The following TOX4 variants were observed in gnomAD, a reference collection of about 807,000 sequenced individuals.
TOX4 encodes epidermal Langerhans cell protein LCP1.
TOX4 carries 12 observed loss-of-function variants against 61.0 expected under a neutral mutation model. That is an observed-to-expected ratio of 0.20 (90% CI 0.13 to 0.32). The LOEUF (loss-of-function observed/expected upper bound fraction) is 0.32, where lower values mean the gene tolerates loss of function less well. TOX4 is among the 10% of genes least tolerant of loss of function. The pLI is 1.00. For synonymous variants in TOX4, 268 were observed against 274.8 expected (o/e 0.98, Z 0.24); for missense variants, 499 against 753.3 (o/e 0.66, Z 3.95).
intron 8 of TOX4, chr14:21,495,758 A>ATAAT (rs929359966): frequency 1.3e-5 from 2 of 155,128 alleles, no homozygotes; most frequent in African/African-American, 4.8e-5. Context: ...GTAACACATA[A>ATAAT]TAATTTGCAA....
rs1280677177 is a variant in TOX4 at position 21,487,589 on chromosome 14, A to G, written c.214A>G (p.Ser72Gly). Reference sequence around the variant, plus strand: ...AGACCCTTCCTCTTCACAGGATGGCAGTTTTTCAGCCCAGTATGGGGTCCA... The same window carrying G: ...AGACCCTTCCTCTTCACAGGATGGCGGTTTTTCAGCCCAGTATGGGGTCCA... Reference protein sequence around the residue: ...LADPSSSQDGSFSAQYGVQTL... With the variant: ...LADPSSSQDGGFSAQYGVQTL... Residue 72 changes from serine to glycine, a missense_variant, in exon 3 of 9, where the codon AGT (serine) becomes GGT (glycine). This residue lies in a region of TOX4 where 90 missense variants were observed against 109.5 expected (regional missense o/e 0.82). Coordinates refer to ENST00000448790, the MANE Select transcript of TOX4 (RefSeq NM_014828.4). 1 of 1,614,128 alleles carries G rather than the reference A, an allele frequency of 6.2e-7. No individual in the cohort carries two copies. Among genetic ancestry groups the G allele is most frequent in the Non-Finnish European group, 8.5e-7 (1 of 1,180,024 alleles).
intron 4 of TOX4, 119 bp from the exon 5 acceptor site, chr14:21,489,054 C>G: frequency 7.9e-7 from 1 of 1,264,380 alleles, no homozygotes; most frequent in South Asian, 1.5e-5. Context: ...TGACTAATGT[C>G]TTTTAATGCT....
rs1891242984 is a variant in TOX4, at chr14:21,489,170, C to T, written c.580-3C>T. ...GTAATTCTCTCTTTTTTCTCTCCTA[C>T]AGCAACTTCCCAGCCAGAAGACAGT... On this transcript the variant is annotated splice_polypyrimidine_tract_variant and splice_region_variant and intron_variant, in intron 4 of 8. Transcript: ENST00000448790. 18 of 1,611,410 alleles carry T rather than the reference C, an allele frequency of 1.1e-5. No individual in the cohort carries two copies. The highest frequency in any genetic ancestry group is 9.4e-5 in the African/African-American group (7 of 74,562).
chr14:21,496,650 A>T lies in TOX4; in HGVS notation c.*44A>T. 6.4e-7 allele frequency: 1 copy of T among 1,560,614 alleles called. No homozygotes were observed. Among genetic ancestry groups the T allele is most frequent in the Non-Finnish European group, 8.8e-7 (1 of 1,135,412 alleles). On this transcript the variant is annotated 3_prime_UTR_variant, in exon 9 of 9. Transcript: ENST00000448790. ...CCAGTGAAGAGTTATCTGCTGGGAA[A>T]GTGTCCAAGAGCCTGTTTTTGAAAC...
rs143391637 is a variant in TOX4, at chr14:21,495,435, A to G, written c.1805+43A>G. On this transcript the variant is annotated intron_variant, in intron 8 of 8. Coordinates refer to ENST00000448790, the MANE Select transcript of TOX4 (RefSeq NM_014828.4). ...CCTTTTATAATTCAGCTACTGGTCA[A>G]TTCTACTGGGAAACATAGGAATCTT... is the stretch of plus-strand genomic sequence containing the variant. 35 of 1,579,340 alleles carry G rather than the reference A, an allele frequency of 2.2e-5. No individual in the cohort carries two copies. The African/African-American group carries it at 3.8e-4, about 17-fold the overall frequency.
chr14:21,492,987 G>A lies in TOX4; in HGVS notation c.1371G>A (p.Gln457=), dbSNP rs745656676. ...AACAGATGCCACAGCCCCCGACTCAGCAGCAAGTTACCATTCTGCAGCAGC... is the reference window on the plus strand; with the variant it reads ...AACAGATGCCACAGCCCCCGACTCAACAGCAAGTTACCATTCTGCAGCAGC... ...PLQQMPQPPT[Q]QQVTILQQPP... is the part of the protein sequence containing the mutation. The change falls in exon 7 of 9, where the codon CAG becomes CAA. Residue 457 remains glutamine, a synonymous_variant. Coordinates refer to ENST00000448790, the MANE Select transcript of TOX4 (RefSeq NM_014828.4). 3.7e-6 allele frequency: 6 copies of A among 1,612,880 alleles called. No individual in the cohort carries two copies. Among genetic ancestry groups the A allele is most frequent in the Non-Finnish European group, 4.2e-6 (5 of 1,179,408 alleles).
chr14:21,485,506 A>C (rs529114348), intron 2 of TOX4, among the ~76,000 whole-genome samples: 1 of 101,858 alleles, frequency 9.8e-6, no homozygotes, highest in East Asian at 3.7e-4. Flanking sequence ...ACTTGAACCC[A>C]GGAGGCGGAG....
rs1232953598 is a variant in TOX4 at position 21,498,009 on chromosome 14, T to C, written c.*1403T>C. The C allele has an allele frequency of 1.1e-5, 5 of 467,272 alleles. No individual in the cohort carries two copies. The highest frequency in any genetic ancestry group is 1.9e-5 in the Non-Finnish European group (5 of 259,846). 28.9% of individuals were successfully genotyped at this position (467,272 alleles called of 1,614,324 possible). A position where few individuals can be genotyped will look rare whatever the true frequency, so the allele number is the denominator to read the frequency against. On this transcript the variant is annotated 3_prime_UTR_variant, in exon 9 of 9. Transcript: ENST00000448790. ...ATAATGATCATTTTAATGTTTCCCA[T>C]GCACTCATTTAGTTTGAACCTTCAC...
At position 21,498,413 on chromosome 14, in the gene TOX4, T is replaced by C. The variant is rs749980735; in HGVS notation, c.*1807T>C. The C allele has an allele frequency of 1.3e-6, 2 of 1,592,354 alleles. No individual in the cohort carries two copies. The highest frequency in any genetic ancestry group is 1.3e-5 in the African/African-American group (1 of 74,482). ...AGGGGCAAACCAGAAATCCTGGAATTAGAGGGTTTAATATTGTTAAAAAAT... is the reference window on the plus strand; with the variant it reads ...AGGGGCAAACCAGAAATCCTGGAATCAGAGGGTTTAATATTGTTAAAAAAT... On this transcript the variant is annotated 3_prime_UTR_variant, in exon 9 of 9. Transcript: ENST00000448790.
At chr14:21,487,179 A>G (rs1209006275) in intron 2 of TOX4, among the ~76,000 whole-genome samples, 2 of 152,244 alleles carry the variant, frequency 1.3e-5, no homozygotes, top group Admixed American at 6.5e-5. Flanking sequence ...CCATAGGCAT[A>G]ATTTAAGACA....
chr14:21,477,240 G>A lies in TOX4; in HGVS notation c.-39G>A. On this transcript the variant is annotated 5_prime_UTR_variant, in exon 1 of 9. Transcript: ENST00000448790. ...TCCGAGTCCAGTGGGGGCGGTGGGA[G>A]CGATGAGGGTCTGAGACGGTGGGAG... 2 of 1,613,956 alleles carry A rather than the reference G, an allele frequency of 1.2e-6. No homozygotes were observed. The highest frequency in any genetic ancestry group is 2.2e-5 in the East Asian group (1 of 44,884).
Position 21,487,435 on chromosome 14 carries a change from CT to C in TOX4, c.76-10del, listed in dbSNP as rs771580642. On this transcript the variant is annotated splice_polypyrimidine_tract_variant and intron_variant, in intron 2 of 8. Coordinates refer to ENST00000448790, the MANE Select transcript of TOX4 (RefSeq NM_014828.4). The stretch of plus-strand genomic sequence containing the variant: ...CCTCTTTTCACTAATTCTTTTCCCC[CT>C]TTTTTCCCCTACAGACATTCCATAC... 1.9e-6 allele frequency: 3 copies of C among 1,610,120 alleles called. No individual in the cohort carries two copies. Among genetic ancestry groups the C allele is most frequent in the Non-Finnish European group, 2.5e-6 (3 of 1,176,916 alleles).
chr14:21,498,782 C>G lies in TOX4; in HGVS notation c.*2176C>G. Reference sequence around the variant, plus strand: ...ACATCACAGAATGGCTGAGGAAGATCCTTGGGTTGTGAAGAGAGTAGAAAC... The same window carrying G: ...ACATCACAGAATGGCTGAGGAAGATGCTTGGGTTGTGAAGAGAGTAGAAAC... On this transcript the variant is annotated 3_prime_UTR_variant, in exon 9 of 9. Transcript: ENST00000448790. The G allele has an allele frequency of 2.0e-6, 1 of 509,164 alleles. No homozygotes were observed. The highest frequency in any genetic ancestry group is 1.9e-5 in the African/African-American group (1 of 52,408). 31.5% of individuals were successfully genotyped at this position (509,164 alleles called of 1,614,324 possible). A position where few individuals can be genotyped will look rare whatever the true frequency, so the allele number is the denominator to read the frequency against.
intron 7 of TOX4, among the ~76,000 whole-genome samples, chr14:21,493,631 G>T (rs1360301663): frequency 6.6e-6 from 1 of 151,918 alleles, no homozygotes; most frequent in African/African-American, 2.4e-5. Flanking sequence ...AGTAGAGACG[G>T]TTTCTCCATG....
At chr14:21,490,382 G>A (rs2139626833) in intron 5 of TOX4, among the ~76,000 whole-genome samples, 1 of 152,260 alleles carries the variant, frequency 6.6e-6, no homozygotes, top group East Asian at 1.9e-4. Flanking sequence ...GGCTGAGGCA[G>A]GAGAATTGCT....
chr14:21,492,089 G>C (rs1243137603), intron 5 of TOX4: 1 of 469,164 alleles, frequency 2.1e-6, no homozygotes, highest in Non-Finnish European at 3.8e-6. Flanking sequence ...CCTGTCGATT[G>C]GTTGTCTTTC....
chr14:21,495,340 A>C lies in TOX4; in HGVS notation c.1753A>C (p.Lys585Gln), dbSNP rs750021765. The change falls in exon 8 of 9, where the codon AAG becomes CAG. Residue 585 changes from lysine (K) to glutamine (Q), a missense_variant. Lys to Gln is a moderately conservative substitution (Grantham distance 53, BLOSUM62 1). Transcript: ENST00000448790. ...TTGTGAGAACCCTCCCATTGTGAGT[A>C]AGGACTGGGACAATGAATACTGCAG... ...SGCENPPIVS[K>Q]DWDNEYCSNE... 1.3e-5 allele frequency: 21 copies of C among 1,614,154 alleles called. No homozygotes were observed. Among genetic ancestry groups the C allele is most frequent in the Non-Finnish European group, 1.4e-5 (17 of 1,180,032 alleles).
intron 5 of TOX4, among the ~76,000 whole-genome samples, 198 bp downstream of exon 5, chr14:21,489,601 CAG>C (rs1281398430): frequency 2.0e-5 from 3 of 151,314 alleles, no homozygotes; most frequent in Non-Finnish European, 2.9e-5. Flanking sequence ...TTTTTTGAGA[CAG>C]AGTCTCGCTC....
At position 21,498,562 on chromosome 14, in the gene TOX4, A is replaced by C; in HGVS notation, c.*1956A>C. On this transcript the variant is annotated 3_prime_UTR_variant, in exon 9 of 9. Coordinates refer to ENST00000448790, the MANE Select transcript of TOX4 (RefSeq NM_014828.4). ...TTGGCATAGATTCTGGTGTTAAAAT[A>C]GACTGGATCTGTATTATCTGAGGGT... The C allele has an allele frequency of 1.6e-6, 1 of 610,194 alleles. No homozygotes were observed. The highest frequency in any genetic ancestry group is 2.8e-6 in the Non-Finnish European group (1 of 351,114). 37.8% of individuals were successfully genotyped at this position (610,194 alleles called of 1,614,324 possible).
Sources: allele counts gnomAD v4.1 joint callset (sites outside exome capture counted in the v4.1 genomes callset), GRCh38; gene constraint gnomAD v4.1.1; regional missense constraint gnomAD v4.1.1; transcripts MANE v1.5; gene names NCBI Gene and HGNC (gene_info 2026-07-23, HGNC 2026-07-21).